BCL2L11: variants seen among roughly 807,000 people sequenced by gnomAD.
The protein encoded by BCL2L11 is BCL2 like 11, also known as bcl-2-like protein 11.
A neutral mutation model predicts 20.6 loss-of-function variants in BCL2L11; 15 were observed. The observed-to-expected ratio is 0.73, with a 90% CI of 0.49 to 1.12. The LOEUF is 1.12. Among genes scored for constraint, BCL2L11 ranks in the 50% most tolerant of loss-of-function variants. BCL2L11 has a pLI of 0.00. For synonymous variants in BCL2L11, 108 were observed against 92.8 expected (o/e 1.16, Z -0.94); for missense variants, 292 against 260.9 (o/e 1.12, Z -0.82).
At chr2:111,148,015 G>A (rs763748224) in intron 2 of BCL2L11, among the ~76,000 whole-genome samples, 2 of 152,210 alleles carry the variant, frequency 1.3e-5, no homozygotes, top group Non-Finnish European at 2.9e-5. Flanking sequence ...TATCATTGAT[G>A]TATTAAGTAT....
chr2:111,147,327 ATCTCTCTC>A (rs367737247), intron 2 of BCL2L11, among the ~76,000 whole-genome samples: 1 of 125,838 alleles, frequency 7.9e-6, no homozygotes, highest in African/African-American at 3.4e-5. Context: ...AGCCTCCTGT[ATCTCTCTC>A]TCTCTCTCTC....
chr2:111,163,286 G>A (rs1450524479), intron 3 of BCL2L11: 1 of 152,216 alleles, frequency 6.6e-6, no homozygotes, highest in African/African-American at 2.4e-5. Context: ...AAATGTCCAG[G>A]GCAGATTTCA....
At chr2:111,128,617 T>TTTTG in intron 2 of BCL2L11, 1 of 1,483,220 alleles carries the variant, frequency 6.7e-7, no homozygotes, top group Non-Finnish European at 8.9e-7. Flanking sequence ...TTTTTTTTTT[T>TTTTG]TTTTAACAGT....
intron 2 of BCL2L11, among the ~76,000 whole-genome samples, chr2:111,141,517 G>T (rs1458601728): frequency 8.5e-6 from 1 of 117,358 alleles, no homozygotes; most frequent in Non-Finnish European, 1.7e-5. Context: ...ACTGTTGTGG[G>T]GTGGGGGGAG....
chr2:111,141,776 G>A (rs1300729406), intron 2 of BCL2L11, among the ~76,000 whole-genome samples: 1 of 150,546 alleles, frequency 6.6e-6, no homozygotes, highest in African/African-American at 2.5e-5. Context: ...TGAGCTCACT[G>A]CAATCTCCGC....
In BCL2L11 at chr2:111,147,388, A is replaced by C. The variant is rs751263164; in HGVS notation, c.395-2656A>C. Among the ~76,000 whole-genome samples, 793 of 143,322 alleles carry C rather than the reference A, an allele frequency of 5.5e-3. 4 individuals are homozygous for C. The highest frequency in any genetic ancestry group is 9.6e-3 in the Non-Finnish European group (619 of 64,588). 94.0% of individuals were successfully genotyped at this position (143,322 alleles called of 152,430 possible). On this transcript the variant is annotated intron_variant, in intron 2 of 3. Coordinates refer to ENST00000393256, the MANE Select transcript of BCL2L11 (RefSeq NM_138621.5). ...CACACACACACACACACACACACACACACCCGCCATTTCTCCCTGCCAGAG... is the reference window on the plus strand; with the variant it reads ...CACACACACACACACACACACACACCCACCCGCCATTTCTCCCTGCCAGAG...
chr2:111,130,686 A>G (rs900982229), intron 2 of BCL2L11, among the ~76,000 whole-genome samples: 2 of 152,212 alleles, frequency 1.3e-5, no homozygotes, highest in African/African-American at 2.4e-5. Flanking sequence ...CTAGTCCCCA[A>G]TCTTAGGGGG....
At chr2:111,123,234 CG>C in intron 1 of BCL2L11, 1 of 985,492 alleles carries the variant, frequency 1.0e-6, no homozygotes, top group African/African-American at 1.7e-5. Context: ...CTACGACTGA[CG>C]GCCGCTGCCA....
chr2:111,123,661 T>A (rs2071774435), intron 1 of BCL2L11, 72 bp from the exon 2 acceptor site: 1 of 1,312,640 alleles, frequency 7.6e-7, no homozygotes, highest in African/African-American at 1.5e-5. Context: ...AATCGCTAGG[T>A]GAGAGCTAAT....
At chr2:111,128,040 T>C (rs560526388) in intron 2 of BCL2L11, among the ~76,000 whole-genome samples, 10 of 152,198 alleles carry the variant, frequency 6.6e-5, no homozygotes, top group Non-Finnish European at 1.3e-4. Context: ...GTGCGGCCAA[T>C]CTCCAGAACT....
chr2:111,128,230 G>A (rs1205924688), intron 2 of BCL2L11, among the ~76,000 whole-genome samples: 7 of 152,086 alleles, frequency 4.6e-5, no homozygotes, highest in South Asian at 2.1e-4. Context: ...TTCACTTAGC[G>A]TAATGTCGTC....
chr2:111,149,999 C>T (rs1348622780), intron 2 of BCL2L11, 45 bp from the exon 3 acceptor site: 1 of 1,547,924 alleles, frequency 6.5e-7, no homozygotes. Context: ...TCCCAGTGAT[C>T]TGTGGACCAC....
At chr2:111,147,144 A>G (rs1020733427) in intron 2 of BCL2L11, among the ~76,000 whole-genome samples, 5 of 152,186 alleles carry the variant, frequency 3.3e-5, no homozygotes. Flanking sequence ...CAATTCCAGT[A>G]TAAGCCTAGT....
chr2:111,140,502 G>C (rs541675716), intron 2 of BCL2L11, among the ~76,000 whole-genome samples: 1 of 152,276 alleles, frequency 6.6e-6, no homozygotes, highest in African/African-American at 2.4e-5. Flanking sequence ...GATGGAATCT[G>C]ATTTTCTCTT....
At chr2:111,134,835 T>G (rs2074577889) in intron 2 of BCL2L11, among the ~76,000 whole-genome samples, 1 of 152,236 alleles carries the variant, frequency 6.6e-6, no homozygotes, top group African/African-American at 2.4e-5. Context: ...ACATGCCACT[T>G]TCTTAGGGCC....
At chr2:111,163,144 GA>G (rs2078767545) in intron 3 of BCL2L11, 1 of 153,634 alleles carries the variant, frequency 6.5e-6, no homozygotes, top group African/African-American at 2.4e-5. Flanking sequence ...GGTCTGAGGG[GA>G]CAGTTGTCTC....
intron 2 of BCL2L11, among the ~76,000 whole-genome samples, chr2:111,148,311 A>G (rs1241026552): frequency 6.6e-6 from 1 of 152,170 alleles, no homozygotes; most frequent in Non-Finnish European, 1.5e-5. Context: ...CCCAAACAAA[A>G]CACACTTTTC....
intron 1 of BCL2L11, chr2:111,123,204 ACT>A (rs2071599082): frequency 1.4e-5 from 14 of 985,132 alleles, no homozygotes; most frequent in Admixed American, 6.2e-5. Flanking sequence ...GGAGTTACAA[ACT>A]CTATTGTGAC....
intron 2 of BCL2L11, among the ~76,000 whole-genome samples, chr2:111,149,031 G>A (rs1276342116): frequency 6.6e-6 from 1 of 152,176 alleles, no homozygotes; most frequent in Non-Finnish European, 1.5e-5. Flanking sequence ...TTAATTGTGA[G>A]TACGGTGTGC....
Sources: gnomAD v4.1 joint callset for allele counts (sites outside exome capture counted in the v4.1 genomes callset) on GRCh38, gnomAD v4.1.1 for gene constraint, MANE v1.5 for transcripts, NCBI Gene and HGNC (gene_info 2026-07-23, HGNC 2026-07-21) for gene names.